Variants in NLGN1 observed in about 807,000 individuals in gnomAD.
NLGN1 encodes the protein neuroligin 1.
NLGN1 carries 12 observed loss-of-function variants against 65.5 expected under a neutral mutation model. That is an observed-to-expected ratio of 0.18 (90% CI 0.12 to 0.30). The LOEUF is 0.30. NLGN1 is among the 10% of genes least tolerant of loss of function. The probability of loss-of-function intolerance (pLI) is 1.00; values close to 1 mark genes in which losing one functional copy is unlikely to be tolerated. For synonymous variants in NLGN1, 350 were observed against 359.5 expected, an observed-to-expected ratio of 0.97 and a Z score of 0.30; for missense variants, 750 against 1,007.1, an observed-to-expected ratio of 0.74 and a Z score of 3.46.
intron 4 of NLGN1, among the ~76,000 whole-genome samples, chr3:173,835,282 AAAT>A (rs1723400507): frequency 6.6e-6 from 1 of 152,146 alleles, no homozygotes; most frequent in African/African-American, 2.4e-5. Context: ...ATCATATAAG[AAAT>A]AATAATTATG....
At chr3:174,056,589 TTC>T (rs1257367433) in intron 4 of NLGN1, among the ~76,000 whole-genome samples, 1 of 151,992 alleles carries the variant, frequency 6.6e-6, no homozygotes, top group Non-Finnish European at 1.5e-5. Context: ...ATCATGGAAG[TTC>T]TCTAATACCA....
At chr3:173,917,867 G>GTGTGTGTGTGTGTGTT (rs1375314398) in intron 4 of NLGN1, among the ~76,000 whole-genome samples, 1 of 152,022 alleles carries the variant, frequency 6.6e-6, no homozygotes, top group African/African-American at 2.4e-5. Flanking sequence ...GTGTGTGTGT[G>GTGTGTGTGTGTGTGTT]TGTTGGCCTT....
chr3:174,051,995 T>A (rs568163925), intron 4 of NLGN1, among the ~76,000 whole-genome samples: 1 of 152,166 alleles, frequency 6.6e-6, no homozygotes, highest in South Asian at 2.1e-4. Context: ...CTCCTCTCTG[T>A]GAAAAAAATT....
intron 3 of NLGN1, among the ~76,000 whole-genome samples, chr3:173,738,173 C>A (rs375320340): frequency 1.2e-3 from 186 of 151,870 alleles, no homozygotes; most frequent in East Asian, 7.6e-3. Flanking sequence ...ACATGATTTG[C>A]AAATATTTTC....
intron 3 of NLGN1, among the ~76,000 whole-genome samples, chr3:173,723,446 CCT>C (rs1771200817): frequency 1.3e-5 from 2 of 151,986 alleles, no homozygotes; most frequent in Non-Finnish European, 2.9e-5. Context: ...TGCTGGTCTG[CCT>C]CTGTTTCTTT....
intron 3 of NLGN1, among the ~76,000 whole-genome samples, chr3:173,621,498 G>T (rs901404081): frequency 3.9e-5 from 6 of 152,092 alleles, no homozygotes; most frequent in Admixed American, 3.9e-4. Context: ...CTATCAACAA[G>T]TATGCATTGA....
At chr3:173,991,974 C>G (rs1721219601) in intron 4 of NLGN1, among the ~76,000 whole-genome samples, 1 of 152,016 alleles carries the variant, frequency 6.6e-6, no homozygotes, top group Non-Finnish European at 1.5e-5. Flanking sequence ...ATTACAGGTG[C>G]CAGCCACCAT....
intron 4 of NLGN1, among the ~76,000 whole-genome samples, chr3:174,119,320 ATTTG>A (rs1717251781): frequency 6.6e-6 from 1 of 152,124 alleles, no homozygotes; most frequent in African/African-American, 2.4e-5. Context: ...ATTTTCTACA[ATTTG>A]TTTCTCTTTC....
intron 4 of NLGN1, among the ~76,000 whole-genome samples, chr3:174,156,503 A>G (rs1342108588): frequency 3.3e-5 from 5 of 151,894 alleles, no homozygotes; most frequent in African/African-American, 1.2e-4. Flanking sequence ...ATGACTCTGT[A>G]TAACTAGTCA....
chr3:173,738,303 T>C (rs908394354), intron 3 of NLGN1, among the ~76,000 whole-genome samples: 1 of 152,030 alleles, frequency 6.6e-6, no homozygotes, highest in African/African-American at 2.4e-5. Context: ...TTTGGTGTCA[T>C]GTTTAAAAAT....
At chr3:173,965,300 G>C (rs1421073835) in intron 4 of NLGN1, among the ~76,000 whole-genome samples, 2 of 151,528 alleles carry the variant, frequency 1.3e-5, no homozygotes, top group African/African-American at 4.8e-5. Context: ...TTTTCCCCTA[G>C]AACATTTATT....
intron 4 of NLGN1, among the ~76,000 whole-genome samples, chr3:174,161,162 T>C (rs973710478): frequency 2.6e-5 from 4 of 151,624 alleles, no homozygotes; most frequent in Admixed American, 1.3e-4. Context: ...CATAAAGTAC[T>C]GTGAAATCAG....
intron 1 of NLGN1, among the ~76,000 whole-genome samples, chr3:173,416,629 C>T (rs751801775): frequency 9.2e-5 from 14 of 152,048 alleles, no homozygotes; most frequent in Admixed American, 7.2e-4. Context: ...AAAAGACATG[C>T]AAAAATATAC....
At chr3:174,265,734 T>C (rs4358310) in intron 4 of NLGN1, among the ~76,000 whole-genome samples, 23,176 of 147,498 alleles carry the variant, frequency 0.16, 2,168 homozygotes, top group East Asian at 0.5. Flanking sequence ...TATAACAAAA[T>C]ACTCTTACTC....
intron 1 of NLGN1, among the ~76,000 whole-genome samples, chr3:173,418,330 T>TATTTCA (rs77619107): frequency 0.16 from 24,541 of 151,684 alleles, 2,237 homozygotes; most frequent in Middle Eastern, 0.28. Context: ...ATGAACTGCA[T>TATTTCA]ATTTCAATGC....
Position 173,829,232 on chromosome 3 carries a change from A to G in NLGN1, c.646+21400A>G, listed in dbSNP as rs534577278. On this transcript the variant is annotated intron_variant, in intron 4 of 6. Coordinates refer to ENST00000457714, the Ensembl canonical transcript of NLGN1. Reference sequence around the variant, plus strand: ...TGGCATGAGGAACAACTTTTTGGCAAGACAGCATCCAGTTAGGGTAGATTA... The same window carrying G: ...TGGCATGAGGAACAACTTTTTGGCAGGACAGCATCCAGTTAGGGTAGATTA... 4.9e-4 allele frequency among the ~76,000 whole-genome samples: 74 copies of G among 152,246 alleles called. 1 individual carries two copies. Among genetic ancestry groups the G allele is most frequent in the African/African-American group, 1.8e-3 (73 of 41,550 alleles).
chr3:173,402,964 G>T (rs1328516983), intron 1 of NLGN1, among the ~76,000 whole-genome samples: 1 of 152,096 alleles, frequency 6.6e-6, no homozygotes, highest in Non-Finnish European at 1.5e-5. Flanking sequence ...CTGGGAAGAA[G>T]GAGGCAATAA....
intron 4 of NLGN1, among the ~76,000 whole-genome samples, chr3:173,947,672 TATC>T (rs1364262607): frequency 1.3e-5 from 2 of 152,170 alleles, no homozygotes; most frequent in African/African-American, 2.4e-5. Context: ...AGGCATGAAA[TATC>T]ATGAACATTC....
At chr3:173,623,729 C>T (rs1463191184) in intron 3 of NLGN1, among the ~76,000 whole-genome samples, 1 of 151,954 alleles carries the variant, frequency 6.6e-6, no homozygotes, top group South Asian at 2.1e-4. Flanking sequence ...GATGTTTGTG[C>T]GTAAGAGAGT....
Sources: gnomAD v4.1 joint callset for allele counts (sites outside exome capture counted in the v4.1 genomes callset) on GRCh38, gnomAD v4.1.1 for gene constraint, MANE v1.5 for transcripts, NCBI Gene and HGNC (gene_info 2026-07-23, HGNC 2026-07-21) for gene names.